Variants in RMC1 observed in about 807,000 individuals in gnomAD.
RMC1 encodes the protein regulator of MON1-CCZ1 complex.
RMC1 carries 44 observed loss-of-function variants against 95.5 expected under a neutral mutation model. That is an observed-to-expected ratio of 0.46 (90% CI 0.36 to 0.59). RMC1 has a LOEUF of 0.59. Ranked by LOEUF, RMC1 falls within the 20% of genes least tolerant of loss-of-function variation. The probability of loss-of-function intolerance (pLI) is 0.00; values close to 1 mark genes in which losing one functional copy is unlikely to be tolerated. For missense variants in RMC1, 705 were observed against 819.6 expected (o/e 0.86, Z 1.71); for synonymous variants, 320 against 303.6 (o/e 1.05, Z -0.56).
rs777135810 is a variant in RMC1 at position 23,516,323 on chromosome 18, G to T, written c.553G>T (p.Gly185Cys). 8 of 1,614,090 alleles carry T rather than the reference G, an allele frequency of 5.0e-6. No individual in the cohort carries two copies. In the Admixed American group the frequency reaches 5.0e-5, roughly 10 times the overall value. ...NVLQPFHFRA[G>C]TMSKLPKFEI... is the part of the protein sequence containing the mutation. ...AAAACATTTTCCCCCTAAACAGGCT[G>T]GCACTATGTCGAAGCTGCCCAAATT... is the stretch of plus-strand genomic sequence containing the variant. The change falls in exon 7 of 20, where the codon GGC becomes TGC. Residue 185 changes from glycine to cysteine, a missense_variant. Gly to Cys is a radical substitution (Grantham distance 159). Coordinates refer to ENST00000269221, the MANE Select transcript of RMC1 (RefSeq NM_013326.5).
intron 10 of RMC1, among the ~76,000 whole-genome samples, chr18:23,521,148 C>G (rs2058132137): frequency 6.6e-6 from 1 of 152,200 alleles, no homozygotes; most frequent in African/African-American, 2.4e-5. Flanking sequence ...AGCCACCATG[C>G]CCAGCCTGTT....
Position 23,503,514 on chromosome 18 carries a change from G to C in RMC1, c.-105G>C. ...AAGCGGCGTCCGCGCCGGGCCCAGA[G>C]CCGCAGCCGCAGCCGCCGCTACAGT... On this transcript the variant is annotated 5_prime_UTR_variant, in exon 1 of 20. Transcript: ENST00000269221. 1.4e-6 allele frequency: 1 copy of C among 700,470 alleles called. No individual in the cohort carries two copies. 43.4% of individuals were successfully genotyped at this position (700,470 alleles called of 1,614,324 possible).
At chr18:23,504,102 A>C (rs1454412939) in intron 1 of RMC1, among the ~76,000 whole-genome samples, 1 of 152,198 alleles carries the variant, frequency 6.6e-6, no homozygotes, top group Non-Finnish European at 1.5e-5. Flanking sequence ...ACTGTACTTC[A>C]GGCGTATCAG....
At chr18:23,516,875 G>A (rs754965781) in intron 7 of RMC1, among the ~76,000 whole-genome samples, 3 of 151,758 alleles carry the variant, frequency 2.0e-5, no homozygotes, top group East Asian at 3.9e-4. Context: ...ACAAGTGTGC[G>A]TCACCTCGCC....
chr18:23,529,807 G>C, intron 16 of RMC1, 95 bp downstream of exon 16: 1 of 1,274,360 alleles, frequency 7.8e-7, no homozygotes, highest in Non-Finnish European at 1.1e-6. Flanking sequence ...TGCTAAGACA[G>C]GTCTGCCTCC....
intron 19 of RMC1, 125 bp from the exon 20 acceptor site, chr18:23,531,500 T>C: frequency 6.8e-7 from 1 of 1,479,676 alleles, no homozygotes; most frequent in Non-Finnish European, 8.9e-7. Flanking sequence ...CCCCAAAACT[T>C]AGGAAAACAA....
At chr18:23,529,996 A>G in intron 16 of RMC1, 32 bp from the exon 17 acceptor site, 2 of 1,559,248 alleles carry the variant, frequency 1.3e-6, no homozygotes, top group Non-Finnish European at 1.8e-6. Flanking sequence ...ATGATTTGGA[A>G]GTGTTCTTTC....
chr18:23,520,324 T>C lies in RMC1; in HGVS notation c.961+11T>C. On this transcript the variant is annotated intron_variant, in intron 10 of 19. Coordinates refer to ENST00000269221, the MANE Select transcript of RMC1 (RefSeq NM_013326.5). ...AGATCCCCATCACAGGTAACACGGG[T>C]TCTGTAGAGGAGTCTGTGCTGCCCT... is the stretch of plus-strand genomic sequence containing the variant. The C allele has an allele frequency of 6.3e-7, 1 of 1,598,702 alleles. No homozygotes were observed. Among genetic ancestry groups the C allele is most frequent in the Non-Finnish European group, 8.6e-7 (1 of 1,166,390 alleles).
chr18:23,525,900 G>C (rs1234638964), intron 12 of RMC1, among the ~76,000 whole-genome samples: 2 of 152,308 alleles, frequency 1.3e-5, no homozygotes, highest in African/African-American at 4.8e-5. Context: ...TGATGCTGTA[G>C]GCATCCACTG....
In RMC1 at chr18:23,531,814, C is replaced by A; in HGVS notation, c.*110C>A. The A allele has an allele frequency of 1.3e-6, 2 of 1,505,600 alleles. No individual in the cohort carries two copies. Among genetic ancestry groups the A allele is most frequent in the South Asian group, 1.3e-5 (1 of 74,224 alleles). 93.3% of individuals were successfully genotyped at this position (1,505,600 alleles called of 1,614,324 possible). On this transcript the variant is annotated 3_prime_UTR_variant, in exon 20 of 20. Coordinates refer to ENST00000269221, the MANE Select transcript of RMC1 (RefSeq NM_013326.5). ...AAAGTGTATCTACAACCTCAACTGT[C>A]ACTAAAAATATGGTATAGAACTTGT...
rs2058421316 is a variant in RMC1, at chr18:23,529,556, T to TG, written c.1417-74dup. On this transcript the variant is annotated intron_variant, in intron 15 of 19. Transcript: ENST00000269221. ...GGGCCATTTTAAGATGGAAACAAGG[T>TG]GGGGGTTGGATAGAGAGTTATATGC... 6.6e-6 allele frequency: 9 copies of TG among 1,354,502 alleles called. No homozygotes were observed. In the South Asian group the frequency reaches 8.4e-5, roughly 13 times the overall value. 83.9% of individuals were successfully genotyped at this position (1,354,502 alleles called of 1,614,324 possible).
In RMC1 at chr18:23,507,971, GT is replaced by G; in HGVS notation, c.265-9del. 1 of 1,609,754 alleles carries G rather than the reference GT, an allele frequency of 6.2e-7. No individual in the cohort carries two copies. Among genetic ancestry groups the G allele is most frequent in the Non-Finnish European group, 8.5e-7 (1 of 1,178,274 alleles). ...AATCCAAATTTGTGTGTGTCTGTGTGTTTTTCCTTTCAGGATTTTTGTAATT... is the reference window on the plus strand; with the variant it reads ...AATCCAAATTTGTGTGTGTCTGTGTGTTTTCCTTTCAGGATTTTTGTAATT... On this transcript the variant is annotated splice_polypyrimidine_tract_variant and intron_variant, in intron 3 of 19. Transcript: ENST00000269221.
rs542857180 is a variant in RMC1, at chr18:23,529,887, C to A, written c.1495-141C>A. The A allele has an allele frequency of 9.3e-5, 98 of 1,057,550 alleles. No homozygotes were observed. The African/African-American group carries it at 1.4e-3, about 15-fold the overall frequency. The allele number at this position is 1,057,550 out of a possible 1,614,324, so 65.5% of individuals were successfully genotyped here. A position where few individuals can be genotyped will look rare whatever the true frequency, so the allele number is the denominator to read the frequency against. On this transcript the variant is annotated intron_variant, in intron 16 of 19. Transcript: ENST00000269221. ...GGGAAGTGTAAGGTCAAGTTGGGGT[C>A]TTTACCTGCATGACGAAACCACTTC...
chr18:23,505,215 G>A (rs2057683149), intron 2 of RMC1, among the ~76,000 whole-genome samples: 1 of 151,994 alleles, frequency 6.6e-6, no homozygotes, highest in Non-Finnish European at 1.5e-5. Flanking sequence ...CCACCACCAC[G>A]CCCGGCTAAT....
At chr18:23,515,121 G>A (rs1225272462) in intron 5 of RMC1, among the ~76,000 whole-genome samples, 1 of 152,122 alleles carries the variant, frequency 6.6e-6, no homozygotes, top group Non-Finnish European at 1.5e-5. Flanking sequence ...AACACATGGG[G>A]TCCTGGAGGT....
At chr18:23,511,173 G>T (rs540864394) in intron 5 of RMC1, among the ~76,000 whole-genome samples, 1 of 152,224 alleles carries the variant, frequency 6.6e-6, no homozygotes, top group African/African-American at 2.4e-5. Context: ...CATGTCTTTT[G>T]TGGGAACATG....
At chr18:23,504,509 C>A in intron 2 of RMC1, 62 bp downstream of exon 2, 1 of 1,460,124 alleles carries the variant, frequency 6.8e-7, no homozygotes, top group Non-Finnish European at 9.6e-7. Flanking sequence ...TTTTCTAATT[C>A]AAATGGTTTT....
chr18:23,527,655 G>A (rs2058344815), intron 13 of RMC1, 140 bp from the exon 14 acceptor site: 3 of 202,084 alleles, frequency 1.5e-5, no homozygotes, highest in Non-Finnish European at 1.6e-5. Flanking sequence ...TAGCTGTCAG[G>A]TCTTTAAAGT....
At chr18:23,508,311 G>C (rs2057764303) in intron 4 of RMC1, among the ~76,000 whole-genome samples, 1 of 152,202 alleles carries the variant, frequency 6.6e-6, no homozygotes, top group South Asian at 2.1e-4. Context: ...GCTGTCGTCT[G>C]TCTTGCCCTT....
Sources: gnomAD v4.1 joint callset for allele counts (sites outside exome capture counted in the v4.1 genomes callset) on GRCh38, gnomAD v4.1.1 for gene constraint, MANE v1.5 for transcripts, NCBI Gene and HGNC (gene_info 2026-07-23, HGNC 2026-07-21) for gene names.